EEA1: variants seen among roughly 807,000 people sequenced by gnomAD.
The protein encoded by EEA1 is early endosome antigen 1, also known as early endosome antigen 1, 162kD.
A neutral mutation model predicts 209.2 loss-of-function variants in EEA1; 111 were observed. That is an observed-to-expected ratio of 0.53 (90% CI 0.45 to 0.62). The LOEUF (loss-of-function observed/expected upper bound fraction) is 0.62. EEA1 is among the 20% of genes least tolerant of loss of function. The pLI is 0.00. For synonymous variants in EEA1, 536 were observed against 540.6 expected, an observed-to-expected ratio of 0.99 and a Z score of 0.12; for missense variants, 1,343 against 1,530.8, an observed-to-expected ratio of 0.88 and a Z score of 2.05.
rs1205071136 is a variant in EEA1, at chr12:92,772,585, A to C, written c.*3426T>G. ...GCAACAATTCAATAAGGATCCTTCC[A>C]TTGTTCTTTATACAGATTTAAATGC... On this transcript the variant is annotated 3_prime_UTR_variant, in exon 29 of 29. Coordinates refer to ENST00000322349, the MANE Select transcript of EEA1 (RefSeq NM_003566.4). The C allele has an allele frequency of 1.3e-5, 2 of 152,286 alleles. No individual in the cohort carries two copies. The highest frequency in any genetic ancestry group is 4.8e-5 in the African/African-American group (2 of 41,438). 9.4% of individuals were successfully genotyped at this position (152,286 alleles called of 1,614,324 possible).
chr12:92,825,407 T>C (rs928140011), intron 13 of EEA1, among the ~76,000 whole-genome samples: 9 of 149,462 alleles, frequency 6.0e-5, no homozygotes, highest in East Asian at 1.9e-4. Flanking sequence ...TGAGCCGAGA[T>C]AGCGCCACTG....
intron 20 of EEA1, among the ~76,000 whole-genome samples, 194 bp from the exon 21 acceptor site, chr12:92,799,280 T>C (rs1315004122): frequency 6.6e-6 from 1 of 152,222 alleles, no homozygotes; most frequent in African/African-American, 2.4e-5. Flanking sequence ...TTAGTAAAGA[T>C]ACCTGCCCTC....
chr12:92,890,948 C>T (rs1020390181), intron 2 of EEA1, among the ~76,000 whole-genome samples: 6 of 152,132 alleles, frequency 3.9e-5, no homozygotes, highest in African/African-American at 1.2e-4. Context: ...AGGACTACAG[C>T]TAGGCCTTCA....
At chr12:92,813,772 T>G (rs1399538172) in intron 15 of EEA1, among the ~76,000 whole-genome samples, 1 of 152,134 alleles carries the variant, frequency 6.6e-6, no homozygotes, top group Non-Finnish European at 1.5e-5. Flanking sequence ...CCCAGCACTT[T>G]GGGAGGCCAA....
intron 1 of EEA1, among the ~76,000 whole-genome samples, chr12:92,902,227 G>A (rs1040391608): frequency 4.0e-5 from 6 of 151,848 alleles, no homozygotes; most frequent in African/African-American, 1.5e-4. Flanking sequence ...TTATTAAGAT[G>A]GAACCAATCT....
chr12:92,876,863 CA>C (rs1878915334), intron 2 of EEA1, among the ~76,000 whole-genome samples: 1 of 139,976 alleles, frequency 7.1e-6, no homozygotes, highest in Non-Finnish European at 1.6e-5. Context: ...TAAACAACAA[CA>C]AAAAAACTTC....
intron 1 of EEA1, among the ~76,000 whole-genome samples, chr12:92,902,704 G>A (rs1880201353): frequency 7.0e-6 from 1 of 143,862 alleles, no homozygotes; most frequent in Admixed American, 7.1e-5. Context: ...TTGTGCCACT[G>A]CACTCCAGCC....
chr12:92,775,883 T>C lies in EEA1; in HGVS notation c.*128A>G. 1 of 886,374 alleles carries C rather than the reference T, an allele frequency of 1.1e-6. No individual in the cohort carries two copies. The highest frequency in any genetic ancestry group is 1.6e-6 in the Non-Finnish European group (1 of 634,944). 54.9% of individuals were successfully genotyped at this position (886,374 alleles called of 1,614,324 possible). A position where few individuals can be genotyped will look rare whatever the true frequency, so the allele number is the denominator to read the frequency against. ...TTGATATCCATAACATTCCAAAATA[T>C]ACTAATTCCTATTTGGTCTAGTATT... is the stretch of plus-strand genomic sequence containing the variant. On this transcript the variant is annotated 3_prime_UTR_variant, in exon 29 of 29. Transcript: ENST00000322349.
intron 3 of EEA1, among the ~76,000 whole-genome samples, chr12:92,860,672 G>C (rs556222307): frequency 3.9e-4 from 60 of 152,272 alleles, no homozygotes; most frequent in South Asian, 1.2e-3. Flanking sequence ...GTTAACAGAA[G>C]GGAGGGCAGA....
intron 1 of EEA1, among the ~76,000 whole-genome samples, chr12:92,926,304 C>A (rs1881213234): frequency 6.6e-6 from 1 of 152,104 alleles, no homozygotes; most frequent in African/African-American, 2.4e-5. Context: ...AGGAATGCCA[C>A]ATAATTTCAA....
intron 24 of EEA1, 92 bp downstream of exon 24, chr12:92,780,188 T>A: frequency 7.3e-7 from 1 of 1,373,762 alleles, no homozygotes; most frequent in East Asian, 2.7e-5. Context: ...CATAGCAAGT[T>A]CTCAATAAAT....
At chr12:92,888,591 C>CAAAAA in intron 2 of EEA1, among the ~76,000 whole-genome samples, 1 of 113,062 alleles carries the variant, frequency 8.8e-6, no homozygotes, top group Non-Finnish European at 1.9e-5. Context: ...AACAAACAAA[C>CAAAAA]AAACAAAAAA....
At chr12:92,914,689 AGTCTC>A (rs956401232) in intron 1 of EEA1, among the ~76,000 whole-genome samples, 2 of 149,426 alleles carry the variant, frequency 1.3e-5, no homozygotes, top group African/African-American at 4.9e-5. Flanking sequence ...TTTGAGAAGG[AGTCTC>A]GCTCTGTAAC....
At chr12:92,928,905 A>C in intron 1 of EEA1, 138 bp downstream of exon 1, 26 of 618,078 alleles carry the variant, frequency 4.2e-5, no homozygotes, top group East Asian at 1.6e-4. Flanking sequence ...GGGCCGGGCG[A>C]CCGAGGCCTA....
intron 11 of EEA1, 98 bp from the exon 12 acceptor site, chr12:92,828,159 T>C (rs764412651): frequency 7.4e-6 from 7 of 951,366 alleles, no homozygotes; most frequent in Non-Finnish European, 9.8e-6. Context: ...CCAAAATAAG[T>C]ACAATATCTT....
At position 92,888,595 on chromosome 12, in the gene EEA1, CA is replaced by C. The variant is rs905395194; in HGVS notation, c.117+3033del. ...CCATCTAAAAAAACAAACAAACAAACAAAAAAAAAAACCCAAGAAAACAATT... is the reference window on the plus strand; with the variant it reads ...CCATCTAAAAAAACAAACAAACAAACAAAAAAAAAACCCAAGAAAACAATT... On this transcript the variant is annotated intron_variant, in intron 2 of 28. Transcript: ENST00000322349. Among the ~76,000 whole-genome samples the C allele has an allele frequency of 2.5e-3, 319 of 125,284 alleles. 1 individual carries two copies. The highest frequency in any genetic ancestry group is 4.3e-3 in the African/African-American group (141 of 33,168). 82.2% of individuals were successfully genotyped at this position (125,284 alleles called of 152,430 possible).
intron 22 of EEA1, among the ~76,000 whole-genome samples, chr12:92,787,476 C>T (rs1334257806): frequency 2.0e-5 from 3 of 152,084 alleles, no homozygotes; most frequent in African/African-American, 7.2e-5. Flanking sequence ...ATATTGGGAA[C>T]TTGACAAATA....
At chr12:92,784,870 C>T (rs1874058946) in intron 22 of EEA1, among the ~76,000 whole-genome samples, 1 of 152,026 alleles carries the variant, frequency 6.6e-6, no homozygotes, top group African/African-American at 2.4e-5. Flanking sequence ...AACCCATCTA[C>T]TCCCCTTGAA....
chr12:92,898,953 T>A (rs1167132132), intron 1 of EEA1, among the ~76,000 whole-genome samples: 1 of 112,250 alleles, frequency 8.9e-6, no homozygotes, highest in Admixed American at 8.7e-5. Flanking sequence ...TACTCATGAG[T>A]GAAAAAAAAA....
Sources: allele counts gnomAD v4.1 joint callset (sites outside exome capture counted in the v4.1 genomes callset), GRCh38; gene constraint gnomAD v4.1.1; transcripts MANE v1.5; gene names NCBI Gene and HGNC (gene_info 2026-07-23, HGNC 2026-07-21).